The following SLCO4A1 variants were observed in gnomAD, a reference collection of about 807,000 sequenced individuals.
SLCO4A1 encodes the protein colon organic anion transporter.
In SLCO4A1, 51 loss-of-function variants were observed where a neutral mutation model predicts 64.6. The ratio of observed to expected loss-of-function variants is 0.79; its 90% CI spans 0.63 to 1.00. SLCO4A1 has a LOEUF of 1.00. Ranked by LOEUF, SLCO4A1 falls within the 50% of genes least tolerant of loss-of-function variation. The pLI, the probability that SLCO4A1 is intolerant of heterozygous loss-of-function variation, is 0.00. For missense variants in SLCO4A1, 919 were observed against 980.5 expected (o/e 0.94, Z 0.84); for synonymous variants, 471 against 444.9 (o/e 1.06, Z -0.74).
At chr20:62,680,569 G>GTT (rs201255008) in intron 2 of SLCO4A1, among the ~76,000 whole-genome samples, 4 of 146,314 alleles carry the variant, frequency 2.7e-5, no homozygotes, top group Non-Finnish European at 1.5e-5. Flanking sequence ...TTTGCTGATG[G>GTT]TTTTTTTTTT....
rs1981021918 is a variant in SLCO4A1 at position 62,644,810 on chromosome 20, G to T, written c.-97+2257G>T. 6.6e-6 allele frequency among the ~76,000 whole-genome samples: 1 copy of T among 152,212 alleles called. No homozygotes were observed. Among genetic ancestry groups the T allele is most frequent in the South Asian group, 2.1e-4 (1 of 4,832 alleles). On this transcript the variant is annotated intron_variant, in intron 1 of 11. Transcript: ENST00000217159. The surrounding 1 kb of genome is among the most constrained non-coding windows in gnomAD (Gnocchi z 5.4). The stretch of plus-strand genomic sequence containing the variant: ...CCACTGGAACGTGTTGGGTCCTGGT[G>T]CTCTCCCCAGCAGATGGTTGTAGGT...
At chr20:62,670,637 ACT>A (rs1791016138) in intron 11 of SLCO4A1, among the ~76,000 whole-genome samples, 1 of 151,794 alleles carries the variant, frequency 6.6e-6, no homozygotes, top group African/African-American at 2.4e-5. Context: ...CCGTCCCCAG[ACT>A]CTCTCTTTGC....
At chr20:62,673,942 A>G (rs1291589029), downstream of SLCO4A1, among the ~76,000 whole-genome samples, 1 of 152,228 alleles carries the variant, frequency 6.6e-6, no homozygotes, top group Non-Finnish European at 1.5e-5. Flanking sequence ...GCAACAGCAC[A>G]AAACAAGGGC....
rs375966240 is a variant in SLCO4A1 at position 62,669,090 on chromosome 20, C to G, written c.2025+12C>G. The G allele has an allele frequency of 1.4e-5, 23 of 1,607,244 alleles. No homozygotes were observed. The African/African-American group carries it at 2.9e-4, about 20-fold the overall frequency. On this transcript the variant is annotated intron_variant, in intron 11 of 11. Transcript: ENST00000217159. Reference sequence around the variant, plus strand: ...GGCTCCTGTACAAGGTAAGCAGGCCCAGGGAGGGGACAGAGGGTCTGCTCT... The same window carrying G: ...GGCTCCTGTACAAGGTAAGCAGGCCGAGGGAGGGGACAGAGGGTCTGCTCT...
intron 11 of SLCO4A1, chr20:62,669,926 T>G (rs1986991341): frequency 6.6e-6 from 1 of 152,230 alleles, no homozygotes; most frequent in African/African-American, 2.4e-5. Context: ...GGTTTCCCCC[T>G]CATCTGAGGT....
chr20:62,684,099 A>G (rs1376769619), intron 2 of SLCO4A1, among the ~76,000 whole-genome samples: 1 of 149,098 alleles, frequency 6.7e-6, no homozygotes, highest in Non-Finnish European at 1.5e-5. Context: ...TCACGTGACC[A>G]CGCGCTTCCC....
At chr20:62,667,476 A>C (rs1254344145) in intron 7 of SLCO4A1, 1 of 475,786 alleles carries the variant, frequency 2.1e-6, no homozygotes, top group Non-Finnish European at 3.7e-6. Flanking sequence ...CCAAAAACAA[A>C]TGAACTAGGG....
downstream of SLCO4A1, among the ~76,000 whole-genome samples, chr20:62,687,662 G>A (rs544106971): frequency 5.9e-5 from 9 of 152,338 alleles, no homozygotes; most frequent in African/African-American, 2.2e-4. Flanking sequence ...GCGCCCCAAG[G>A]GCAGGGCTGG....
Position 62,656,613 on chromosome 20 carries a change from C to T in SLCO4A1, c.159C>T (p.Asp53=). 6.3e-7 allele frequency: 1 copy of T among 1,599,936 alleles called. No homozygotes were observed. Among genetic ancestry groups the T allele is most frequent in the Non-Finnish European group, 8.5e-7 (1 of 1,174,990 alleles). Residue 53 remains aspartate, a synonymous_variant, in exon 2 of 12, where the codon GAC becomes GAT. Coordinates refer to ENST00000217159, the MANE Select transcript of SLCO4A1 (RefSeq NM_016354.4). ...GCTCCGCTGCCCATAGCCCCCTGGA[C>T]ACCAGCAAGCAGCCCCTCTGCCAGC... ...SLRSAAHSPL[D]TSKQPLCQLW...
chr20:62,689,827 G>A (rs967365592), downstream of SLCO4A1, among the ~76,000 whole-genome samples: 5 of 152,250 alleles, frequency 3.3e-5, no homozygotes, highest in African/African-American at 1.2e-4. Context: ...CCATGTGTGG[G>A]ACGGGGCACC....
At chr20:62,686,640 A>G (rs1369065999), downstream of SLCO4A1, among the ~76,000 whole-genome samples, 2 of 152,226 alleles carry the variant, frequency 1.3e-5, no homozygotes, top group African/African-American at 4.8e-5. Flanking sequence ...AAAATATTTT[A>G]TTATAAGGTG....
At position 62,656,670 on chromosome 20, in the gene SLCO4A1, C is replaced by G. The variant is rs1156895582; in HGVS notation, c.216C>G (p.Thr72=). ...CCGAGAAGCATGGCGCCCGGGGGAC[C>G]CATGAGGTGCGGTACGTCTCGGCCG... ...LWAEKHGARG[T]HEVRYVSAGQ... The change falls in exon 2 of 12, where the codon ACC becomes ACG. Residue 72 remains threonine, a synonymous_variant. Transcript: ENST00000217159. 1 of 1,606,636 alleles carries G rather than the reference C, an allele frequency of 6.2e-7. No individual in the cohort carries two copies. The highest frequency in any genetic ancestry group is 8.5e-7 in the Non-Finnish European group (1 of 1,177,152).
chr20:62,679,886 T>C (rs1036188773), intron 2 of SLCO4A1, among the ~76,000 whole-genome samples: 2 of 152,208 alleles, frequency 1.3e-5, no homozygotes, highest in Non-Finnish European at 2.9e-5. Flanking sequence ...CAGGTGATTA[T>C]TCATAGACTC....
chr20:62,685,486 T>C lies in SLCO4A1; in HGVS notation n.257T>C. 1 of 977,154 alleles carries C rather than the reference T, an allele frequency of 1.0e-6. No homozygotes were observed. Among genetic ancestry groups the C allele is most frequent in the South Asian group, 4.7e-5 (1 of 21,156 alleles). The allele number at this position is 977,154 out of a possible 1,614,324, so 60.5% of individuals were successfully genotyped here. ...AAGGCTGTAAACCCCATCTGAGCCT[T>C]ACACATAGATCTCCTTGAATTGGAT... On this transcript the variant is annotated non_coding_transcript_exon_variant, in exon 3 of 3. Transcript: ENST00000466818. This position sits in a 1 kb window ranked among gnomAD's most constrained non-coding sequence, Gnocchi z 4.6.
chr20:62,676,281 A>C (rs6011587), downstream of SLCO4A1, among the ~76,000 whole-genome samples: 46,935 of 151,880 alleles, frequency 0.31, 7,493 homozygotes, highest in Non-Finnish European at 0.34. Context: ...TTAGCCGGGC[A>C]TGGTGGCGTG....
intron 1 of SLCO4A1, chr20:62,649,476 G>T (rs1460278803): frequency 6.6e-6 from 1 of 152,318 alleles, no homozygotes; most frequent in Non-Finnish European, 1.5e-5. Context: ...AGTGCTCTTG[G>T]CCCTGACCCT....
At chr20:62,653,838 A>G (rs1306817166) in intron 1 of SLCO4A1, among the ~76,000 whole-genome samples, 2 of 149,196 alleles carry the variant, frequency 1.3e-5, no homozygotes, top group Non-Finnish European at 3.0e-5. Context: ...GAAATTGAAC[A>G]ATGAGAACGC....
chr20:62,690,694 G>A (rs968624016), downstream of SLCO4A1, among the ~76,000 whole-genome samples: 2 of 152,238 alleles, frequency 1.3e-5, no homozygotes, highest in African/African-American at 4.8e-5. Flanking sequence ...CCTATTCCAG[G>A]CAGAGAACCG....
Position 62,668,541 on chromosome 20 carries a change from G to A in SLCO4A1, c.1876G>A (p.Gly626Arg), listed in dbSNP as rs1986797426. 1 of 1,612,546 alleles carries A rather than the reference G, an allele frequency of 6.2e-7. No homozygotes were observed. The highest frequency in any genetic ancestry group is 1.3e-5 in the African/African-American group (1 of 74,890). ...CCAGTGGATTGTAGTTAGAATACTA[G>A]GTACTGTGCAGTGTGAGGAAGCCAT... ...GIQWIVVRILGGIPGPIAFGW... is the reference protein window; with the variant it reads ...GIQWIVVRILRGIPGPIAFGW... Residue 626 changes from glycine to arginine, a missense_variant and splice_region_variant, in exon 10 of 12, where the codon GGG becomes AGG. Transcript: ENST00000217159.
Sources: gnomAD v4.1 joint callset for allele counts (sites outside exome capture counted in the v4.1 genomes callset) on GRCh38, gnomAD v4.1.1 for gene constraint, Gnocchi (gnomAD v3.1) non-coding constraint, MANE v1.5 for transcripts, NCBI Gene and HGNC (gene_info 2026-07-23, HGNC 2026-07-21) for gene names.